WDR31: variants seen among roughly 807,000 people sequenced by gnomAD.
The protein encoded by WDR31 is WD repeat domain 31.
In WDR31, 30 loss-of-function variants were observed where a neutral mutation model predicts 47.3. The ratio of observed to expected loss-of-function variants is 0.63; its 90% CI spans 0.47 to 0.86. The LOEUF is 0.86. WDR31 is among the 40% of genes least tolerant of loss of function. WDR31 has a pLI of 0.00. For synonymous variants in WDR31, 137 were observed against 159.4 expected (o/e 0.86, Z 1.06); for missense variants, 406 against 442.9 (o/e 0.92, Z 0.75).
In WDR31 at chr9:113,318,638, C is replaced by A. The variant is rs1348410678; in HGVS notation, c.781-1G>T. The A allele has an allele frequency of 2.5e-6, 4 of 1,614,030 alleles. No individual in the cohort carries two copies. The highest frequency in any genetic ancestry group is 3.4e-6 in the Non-Finnish European group (4 of 1,179,926). On this transcript the variant is annotated splice_acceptor_variant, in intron 9 of 10. Coordinates refer to ENST00000374193, the MANE Select transcript of WDR31 (RefSeq NM_001012361.4). LOFTEE classifies it high-confidence loss of function. ...TTCGAGTCTGTCTTAGGTCCCACAA[C>A]TGCAAAGTAATGACATGGACCAGCT... is the stretch of plus-strand genomic sequence containing the variant.
At chr9:113,320,293 T>G in intron 9 of WDR31, 64 bp downstream of exon 9, 272 of 1,584,878 alleles carry the variant, frequency 1.7e-4, no homozygotes, top group Non-Finnish European at 2.2e-4. Flanking sequence ...GCTACAGGCA[T>G]GAGGCCAGAG....
At chr9:113,327,418 T>G (rs1242187729) in intron 5 of WDR31, among the ~76,000 whole-genome samples, 1 of 131,920 alleles carries the variant, frequency 7.6e-6, no homozygotes, top group African/African-American at 2.8e-5. Flanking sequence ...AAGTGTTACA[T>G]GCACACACAC....
At chr9:113,338,706 C>G (rs1016707082) in intron 1 of WDR31, among the ~76,000 whole-genome samples, 1 of 151,888 alleles carries the variant, frequency 6.6e-6, no homozygotes, top group East Asian at 1.9e-4. Flanking sequence ...ACAACCTCCA[C>G]CTCCCAGGTT....
At chr9:113,340,168 C>A (rs1264691662) in intron 1 of WDR31, 49 bp downstream of exon 1, 2 of 152,356 alleles carry the variant, frequency 1.3e-5, no homozygotes, top group African/African-American at 4.8e-5. Flanking sequence ...GTTGCCCGCT[C>A]CTAGTCTGCC....
At chr9:113,326,983 G>A (rs971629339) in intron 5 of WDR31, among the ~76,000 whole-genome samples, 1 of 151,192 alleles carries the variant, frequency 6.6e-6, no homozygotes, top group South Asian at 2.1e-4. Context: ...CTATAGGTGC[G>A]CACAACTACA....
chr9:113,324,674 G>T (rs907581937), intron 5 of WDR31, among the ~76,000 whole-genome samples: 1 of 152,082 alleles, frequency 6.6e-6, no homozygotes. Flanking sequence ...ACAAGCACGA[G>T]CCACTGTGCT....
Position 113,320,434 on chromosome 9 carries a change from A to G in WDR31, c.703T>C (p.Tyr235His), listed in dbSNP as rs747331818. The change falls in exon 9 of 11, where the codon TAC (tyrosine) becomes CAC (histidine). Residue 235 changes from tyrosine (Y) to histidine (H), a missense_variant. Transcript: ENST00000374193. Reference protein sequence around the residue: ...MFPAKQHIQTYCEVSVDGHKC... With the variant: ...MFPAKQHIQTHCEVSVDGHKC... ...TGTCCATCCACACTGACTTCACAGTAGGTCTGAATGTGCTGCTTTGCAGGA... is the reference window on the plus strand; with the variant it reads ...TGTCCATCCACACTGACTTCACAGTGGGTCTGAATGTGCTGCTTTGCAGGA... 5 of 1,614,142 alleles carry G rather than the reference A, an allele frequency of 3.1e-6. No individual in the cohort carries two copies. The highest frequency in any genetic ancestry group is 1.3e-5 in the African/African-American group (1 of 74,954).
chr9:113,339,472 T>C (rs1000535358), intron 1 of WDR31, among the ~76,000 whole-genome samples: 10 of 152,140 alleles, frequency 6.6e-5, no homozygotes, highest in Non-Finnish European at 1.5e-5. Context: ...GCCAAAACAA[T>C]GCTCAAAGAA....
intron 4 of WDR31, among the ~76,000 whole-genome samples, chr9:113,330,441 T>C (rs765655181): frequency 1.3e-5 from 2 of 152,164 alleles, no homozygotes; most frequent in Non-Finnish European, 2.9e-5. Context: ...TTAGCAGTTG[T>C]ACTACCAGTA....
At chr9:113,325,706 C>T (rs1380527264) in intron 5 of WDR31, among the ~76,000 whole-genome samples, 1 of 151,446 alleles carries the variant, frequency 6.6e-6, no homozygotes. Context: ...AGTCTATTAT[C>T]ATATTATTAA....
At position 113,316,535 on chromosome 9, in the gene WDR31, A is replaced by G; in HGVS notation, c.*214T>C. The stretch of plus-strand genomic sequence containing the variant: ...CATTTGTATTTAACTTAAATAGAGA[A>G]CCTTATGTGTAGTCCATGTTTCTGG... On this transcript the variant is annotated 3_prime_UTR_variant, in exon 11 of 11. Coordinates refer to ENST00000374193, the MANE Select transcript of WDR31 (RefSeq NM_001012361.4). 1 of 503,684 alleles carries G rather than the reference A, an allele frequency of 2.0e-6. No homozygotes were observed. The highest frequency in any genetic ancestry group is 3.4e-6 in the Non-Finnish European group (1 of 293,284). 31.2% of individuals were successfully genotyped at this position (503,684 alleles called of 1,614,324 possible). A position where few individuals can be genotyped will look rare whatever the true frequency, so the allele number is the denominator to read the frequency against.
chr9:113,328,980 T>C (rs1474151554), intron 4 of WDR31, 25 bp from the exon 5 acceptor site: 2 of 1,595,900 alleles, frequency 1.3e-6, no homozygotes, highest in African/African-American at 2.7e-5. Context: ...GATTGTAGTT[T>C]CATTACTCAA....
At chr9:113,336,469 G>T (rs577571673) in intron 1 of WDR31, 29 bp from the exon 2 acceptor site, 2 of 152,292 alleles carry the variant, frequency 1.3e-5, no homozygotes, top group East Asian at 3.9e-4. Flanking sequence ...GGTAAATAAA[G>T]ACCTTGTTTA....
intron 5 of WDR31, among the ~76,000 whole-genome samples, chr9:113,328,637 T>A (rs960003970): frequency 6.6e-6 from 1 of 152,202 alleles, no homozygotes; most frequent in African/African-American, 2.4e-5. Context: ...TTATCAGCTG[T>A]GTTCTGTTTA....
At chr9:113,333,130 G>C (rs1181070940) in intron 2 of WDR31, among the ~76,000 whole-genome samples, 1 of 152,136 alleles carries the variant, frequency 6.6e-6, no homozygotes, top group African/African-American at 2.4e-5. Context: ...CAAAGAGGCA[G>C]AGTTTCCTTT....
At chr9:113,333,853 C>T (rs1209729145) in intron 2 of WDR31, among the ~76,000 whole-genome samples, 1 of 152,064 alleles carries the variant, frequency 6.6e-6, no homozygotes, top group African/African-American at 2.4e-5. Context: ...TCCTGAGAGC[C>T]TTTCAGGGAG....
intron 7 of WDR31, among the ~76,000 whole-genome samples, chr9:113,322,562 A>C (rs533236480): frequency 5.3e-5 from 8 of 152,284 alleles, no homozygotes; most frequent in African/African-American, 1.9e-4. Flanking sequence ...AGAATAATGA[A>C]AGAAATAATG....
intron 5 of WDR31, among the ~76,000 whole-genome samples, chr9:113,324,828 A>ATGTGTGTGTG (rs57088850): frequency 6.4e-4 from 88 of 138,190 alleles, no homozygotes; most frequent in African/African-American, 8.4e-4. Flanking sequence ...ATATATATAT[A>ATGTGTGTGTG]TGTGTGTGTG....
chr9:113,338,114 T>C (rs914044367), intron 1 of WDR31, among the ~76,000 whole-genome samples: 24 of 151,582 alleles, frequency 1.6e-4, no homozygotes, highest in African/African-American at 5.8e-4. Context: ...CAATAAATTA[T>C]GGTTACTAGC....
Sources: gnomAD v4.1 joint callset for allele counts (sites outside exome capture counted in the v4.1 genomes callset) on GRCh38, gnomAD v4.1.1 for gene constraint, MANE v1.5 for transcripts, NCBI Gene and HGNC (gene_info 2026-07-23, HGNC 2026-07-21) for gene names.